The following DIRAS2 variants were observed in gnomAD, a reference collection of about 807,000 sequenced individuals.
The protein encoded by DIRAS2 is GTP-binding protein Di-Ras2.
Under a neutral mutation model 13.9 loss-of-function variants are expected in DIRAS2, and 5 were observed. The ratio of observed to expected loss-of-function variants is 0.36; its 90% CI spans 0.19 to 0.76. The LOEUF (loss-of-function observed/expected upper bound fraction) is 0.76, where lower values mean the gene tolerates loss of function less well. Ranked by LOEUF, DIRAS2 falls within the 30% of genes least tolerant of loss-of-function variation. The probability of loss-of-function intolerance (pLI) is 0.53; values close to 1 mark genes in which losing one functional copy is unlikely to be tolerated. For synonymous variants in DIRAS2, 111 were observed against 105.4 expected (o/e 1.05, Z -0.33); for missense variants, 191 against 263.0 (o/e 0.73, Z 1.89).
chr9:90,632,521 T>C (rs369978661), intron 1 of DIRAS2, among the ~76,000 whole-genome samples: 40 of 152,364 alleles, frequency 2.6e-4, no homozygotes, highest in African/African-American at 6.5e-4. Context: ...GTCTGTGGCA[T>C]CTTCCCACTT....
chr9:90,618,685 A>G (rs1825191439), intron 1 of DIRAS2, among the ~76,000 whole-genome samples: 2 of 152,220 alleles, frequency 1.3e-5, no homozygotes, highest in Non-Finnish European at 2.9e-5. Flanking sequence ...AACTTCTACA[A>G]TTCAACAACA....
intron 1 of DIRAS2, among the ~76,000 whole-genome samples, chr9:90,626,649 A>G (rs1825272501): frequency 6.6e-6 from 1 of 152,220 alleles, no homozygotes. Flanking sequence ...GCAAAGATAG[A>G]GAGAAACTGA....
rs751330885 is a variant in DIRAS2 at position 90,613,221 on chromosome 9, A to G, written c.*7T>C. ...ACACACAGCTGCTCCTCCCGCAGGA[A>G]GGGCCTTCACATGATCACGCACTTG... On this transcript the variant is annotated 3_prime_UTR_variant, in exon 2 of 2. Transcript: ENST00000375765. This position sits in a 1 kb window ranked among gnomAD's most constrained non-coding sequence, Gnocchi z 5.6. 1.2e-6 allele frequency: 2 copies of G among 1,604,326 alleles called. No homozygotes were observed. Among genetic ancestry groups the G allele is most frequent in the Admixed American group, 1.7e-5 (1 of 59,510 alleles).
At chr9:90,633,295 A>C (rs1005070581) in intron 1 of DIRAS2, among the ~76,000 whole-genome samples, 1 of 152,168 alleles carries the variant, frequency 6.6e-6, no homozygotes, top group Non-Finnish European at 1.5e-5. Flanking sequence ...GGTCGGTGGG[A>C]AAAGGGGTTG....
chr9:90,625,241 C>G (rs1260507648), intron 1 of DIRAS2, among the ~76,000 whole-genome samples: 1 of 152,118 alleles, frequency 6.6e-6, no homozygotes, highest in Non-Finnish European at 1.5e-5. Context: ...CACTGTCAGC[C>G]CGTGGGCTAC....
intron 1 of DIRAS2, among the ~76,000 whole-genome samples, chr9:90,636,592 C>G (rs1411679158): frequency 1.3e-5 from 2 of 152,192 alleles, no homozygotes. Flanking sequence ...TTCTCAATCA[C>G]CAGAAATGGT....
chr9:90,626,858 G>A (rs1329763391), intron 1 of DIRAS2, among the ~76,000 whole-genome samples: 1 of 152,174 alleles, frequency 6.6e-6, no homozygotes, highest in South Asian at 2.1e-4. Context: ...CAACCCAAAT[G>A]TCCATAGAAA....
intron 1 of DIRAS2, among the ~76,000 whole-genome samples, chr9:90,641,000 AT>A (rs1210926041): frequency 2.0e-5 from 3 of 152,134 alleles, no homozygotes; most frequent in Non-Finnish European, 4.4e-5. Context: ...AAAGGTTTTA[AT>A]TTTTCAGTAA....
intron 1 of DIRAS2, among the ~76,000 whole-genome samples, chr9:90,636,427 A>C (rs774421536): frequency 6.6e-5 from 10 of 152,176 alleles, no homozygotes; most frequent in Non-Finnish European, 1.0e-4. Flanking sequence ...TGTAAGAATA[A>C]ACATATCACC....
intron 1 of DIRAS2, among the ~76,000 whole-genome samples, chr9:90,632,610 T>C (rs1302847077): frequency 6.6e-6 from 1 of 152,232 alleles, no homozygotes; most frequent in African/African-American, 2.4e-5. Context: ...AATTCCACTA[T>C]ATTAAAAGCT....
intron 1 of DIRAS2, among the ~76,000 whole-genome samples, chr9:90,614,353 TGA>T (rs1326599703): frequency 1.9e-4 from 27 of 138,996 alleles, no homozygotes; most frequent in Admixed American, 9.5e-4. Context: ...TGTGTGTGTG[TGA>T]GAAATACTGG....
chr9:90,618,864 C>A (rs986952843), intron 1 of DIRAS2, among the ~76,000 whole-genome samples: 1 of 152,040 alleles, frequency 6.6e-6, no homozygotes, highest in South Asian at 2.1e-4. Context: ...CAGGGAAGTG[C>A]AAATCAAAAC....
rs1389687913 is a variant in DIRAS2, at chr9:90,612,385, T to C, written c.*843A>G. ...AAAATAGTGAGTTTATTTGCTTGTATTTAAAATCTGAGGGCTGAAAGAAGT... is the reference window on the plus strand; with the variant it reads ...AAAATAGTGAGTTTATTTGCTTGTACTTAAAATCTGAGGGCTGAAAGAAGT... On this transcript the variant is annotated 3_prime_UTR_variant, in exon 2 of 2. Transcript: ENST00000375765. The C allele has an allele frequency of 6.6e-6, 1 of 152,632 alleles. No homozygotes were observed. Among genetic ancestry groups the C allele is most frequent in the Non-Finnish European group, 1.5e-5 (1 of 68,036 alleles). 9.5% of individuals were successfully genotyped at this position (152,632 alleles called of 1,614,324 possible). A position where few individuals can be genotyped will look rare whatever the true frequency, so the allele number is the denominator to read the frequency against.
At position 90,613,132 on chromosome 9, in the gene DIRAS2, G is replaced by C. The variant is rs752153979; in HGVS notation, c.*96C>G. The C allele has an allele frequency of 1.8e-4, 274 of 1,491,454 alleles. No individual in the cohort carries two copies. The highest frequency in any genetic ancestry group is 2.3e-4 in the Non-Finnish European group (253 of 1,108,220). The allele number at this position is 1,491,454 out of a possible 1,614,324, so 92.4% of individuals were successfully genotyped here. A position where few individuals can be genotyped will look rare whatever the true frequency, so the allele number is the denominator to read the frequency against. On this transcript the variant is annotated 3_prime_UTR_variant, in exon 2 of 2. Transcript: ENST00000375765. The surrounding 1 kb of genome is among the most constrained non-coding windows in gnomAD (Gnocchi z 5.6). ...CTCGATTAAATGCAATGTTTAACAC[G>C]TGGGCATTATACATGCTACCCTGAC...
At chr9:90,625,292 C>T (rs1036257134) in intron 1 of DIRAS2, among the ~76,000 whole-genome samples, 3 of 152,128 alleles carry the variant, frequency 2.0e-5, no homozygotes, top group South Asian at 2.1e-4. Flanking sequence ...TGTTAGCCAC[C>T]TAAAAGTTTA....
intron 1 of DIRAS2, among the ~76,000 whole-genome samples, chr9:90,627,399 A>G (rs1180697112): frequency 2.0e-5 from 3 of 152,246 alleles, no homozygotes; most frequent in Non-Finnish European, 4.4e-5. Context: ...CCTTGAGGAC[A>G]TTATGCTAAG....
At chr9:90,638,711 G>C (rs913190884) in intron 1 of DIRAS2, among the ~76,000 whole-genome samples, 1 of 148,434 alleles carries the variant, frequency 6.7e-6, no homozygotes, top group Non-Finnish European at 1.5e-5. Flanking sequence ...GGGGAGATGA[G>C]TCTAAGTTTG....
chr9:90,636,185 C>G (rs1825369336), intron 1 of DIRAS2, among the ~76,000 whole-genome samples: 1 of 151,654 alleles, frequency 6.6e-6, no homozygotes, highest in African/African-American at 2.4e-5. Flanking sequence ...CTACAGGCGC[C>G]CGCCACCACA....
chr9:90,639,050 G>GA (rs2118589491), intron 1 of DIRAS2, among the ~76,000 whole-genome samples: 1 of 152,198 alleles, frequency 6.6e-6, no homozygotes, highest in South Asian at 2.1e-4. Flanking sequence ...TATTTTCTCA[G>GA]AAAAATAATC....
Sources: gnomAD v4.1 joint callset for allele counts (sites outside exome capture counted in the v4.1 genomes callset) on GRCh38, gnomAD v4.1.1 for gene constraint, Gnocchi (gnomAD v3.1) non-coding constraint, MANE v1.5 for transcripts, NCBI Gene and HGNC (gene_info 2026-07-23, HGNC 2026-07-21) for gene names.